The following SLC15A1 variants were observed in gnomAD, a reference collection of about 807,000 sequenced individuals.
SLC15A1 encodes Caco-2 oligopeptide transporter.
Under a neutral mutation model 92.9 loss-of-function variants are expected in SLC15A1, and 83 were observed. The ratio of observed to expected loss-of-function variants is 0.89; its 90% CI spans 0.75 to 1.07. The LOEUF is 1.07. Ranked by LOEUF, SLC15A1 falls within the 50% of genes least tolerant of loss-of-function variation. SLC15A1 has a pLI of 0.00. For missense variants in SLC15A1, 857 were observed against 880.1 expected (o/e 0.97, Z 0.33); for synonymous variants, 322 against 318.2 (o/e 1.01, Z -0.13).
At chr13:98,712,063 G>T in intron 10 of SLC15A1, 120 bp from the exon 11 acceptor site, 1 of 716,856 alleles carries the variant, frequency 1.4e-6, no homozygotes, top group South Asian at 1.7e-5. Context: ...GGCAAGCTGG[G>T]AGGTGATTAA....
Position 98,684,668 on chromosome 13 carries a change from G to T in SLC15A1, c.*56C>A. 1 of 1,461,496 alleles carries T rather than the reference G, an allele frequency of 6.8e-7. No individual in the cohort carries two copies. Among genetic ancestry groups the T allele is most frequent in the Non-Finnish European group, 9.5e-7 (1 of 1,050,328 alleles). 90.5% of individuals were successfully genotyped at this position (1,461,496 alleles called of 1,614,324 possible). A position where few individuals can be genotyped will look rare whatever the true frequency, so the allele number is the denominator to read the frequency against. ...TCCAATGGAGTGTCCTGCTACCTGG[G>T]GGCAGAGGTCAGGGCATCTGCGGGC... On this transcript the variant is annotated 3_prime_UTR_variant, in exon 23 of 23. Transcript: ENST00000376503.
intron 9 of SLC15A1, among the ~76,000 whole-genome samples, chr13:98,714,831 A>G (rs1412886378): frequency 1.3e-5 from 2 of 152,098 alleles, no homozygotes; most frequent in Non-Finnish European, 2.9e-5. Flanking sequence ...CAACATATAC[A>G]GTATGTTCAC....
chr13:98,752,459 C>A (rs2088554761), intron 1 of SLC15A1, 136 bp downstream of exon 1: 1 of 830,944 alleles, frequency 1.2e-6, no homozygotes. Flanking sequence ...CGCAACCTCC[C>A]GGCCCCCGTG....
intron 1 of SLC15A1, among the ~76,000 whole-genome samples, chr13:98,751,940 C>A (rs2088549458): frequency 6.6e-6 from 1 of 152,244 alleles, no homozygotes; most frequent in Non-Finnish European, 1.5e-5. Context: ...TGCTTCCGTT[C>A]ATTCTCTCTG....
intron 3 of SLC15A1, 35 bp downstream of exon 3, chr13:98,726,333 T>C: frequency 6.2e-7 from 1 of 1,614,072 alleles, no homozygotes; most frequent in Non-Finnish European, 8.5e-7. Context: ...ACTCCCGCTC[T>C]TCCCTGAAGG....
chr13:98,725,567 C>G (rs113719611), intron 4 of SLC15A1, among the ~76,000 whole-genome samples: 1 of 152,152 alleles, frequency 6.6e-6, no homozygotes, highest in African/African-American at 2.4e-5. Flanking sequence ...GCTACTGTGT[C>G]AAGATGTGAC....
At chr13:98,706,087 A>G (rs371886755) in intron 16 of SLC15A1, 47 bp downstream of exon 16, 24 of 1,581,504 alleles carry the variant, frequency 1.5e-5, no homozygotes, top group Non-Finnish European at 1.9e-5. Flanking sequence ...TCCTATTATA[A>G]CAGGGTCAGA....
At position 98,687,760 on chromosome 13, in the gene SLC15A1, T is replaced by C. The variant is rs8187839; in HGVS notation, c.1684-36A>G. 3.3e-3 allele frequency: 5,309 copies of C among 1,603,566 alleles called. 237 individuals are homozygous for C. In the Admixed American group the frequency reaches 0.073, roughly 22 times the overall value. The stretch of plus-strand genomic sequence containing the variant: ...AAGGCAAAAGCAGAAGAAGTTGAGA[T>C]AGCTTCTAAAATAAAAACTGTTCGA... On this transcript the variant is annotated intron_variant, in intron 20 of 22. Transcript: ENST00000376503.
intron 1 of SLC15A1, 58 bp downstream of exon 1, chr13:98,752,537 C>A: frequency 2.4e-6 from 3 of 1,268,342 alleles, no homozygotes; most frequent in African/African-American, 3.1e-5. Flanking sequence ...GGTGCCGGCC[C>A]CCGCCCCGCG....
At chr13:98,699,882 T>G (rs2088053775) in intron 18 of SLC15A1, among the ~76,000 whole-genome samples, 1 of 152,242 alleles carries the variant, frequency 6.6e-6, no homozygotes, top group Non-Finnish European at 1.5e-5. Context: ...CTATTGTTCA[T>G]GTGCTTATTT....
At chr13:98,709,067 A>G (rs2088139053) in intron 14 of SLC15A1, among the ~76,000 whole-genome samples, 1 of 149,996 alleles carries the variant, frequency 6.7e-6, no homozygotes. Context: ...TCCTAGCTTC[A>G]AGCAATTCTC....
chr13:98,708,637 C>T (rs375238343), intron 15 of SLC15A1, 49 bp downstream of exon 15: 18 of 1,497,008 alleles, frequency 1.2e-5, no homozygotes, highest in Middle Eastern at 1.7e-4. Context: ...CTGAACGCTC[C>T]ACCTAAATCC....
chr13:98,707,278 C>A (rs372504813), intron 15 of SLC15A1, among the ~76,000 whole-genome samples: 89 of 152,236 alleles, frequency 5.8e-4, no homozygotes, highest in South Asian at 2.1e-3. Flanking sequence ...AATGGATGAA[C>A]AATGTGGTGT....
intron 9 of SLC15A1, among the ~76,000 whole-genome samples, chr13:98,712,844 C>T (rs1293958573): frequency 2.0e-5 from 3 of 152,164 alleles, no homozygotes; most frequent in African/African-American, 7.2e-5. Flanking sequence ...AATAGAAATA[C>T]AACACGTGTT....
At chr13:98,684,938 G>A (rs1401146556) in intron 22 of SLC15A1, 23 bp from the exon 23 acceptor site, 3 of 1,590,970 alleles carry the variant, frequency 1.9e-6, no homozygotes, top group Non-Finnish European at 2.6e-6. Context: ...CAGAGTTGGA[G>A]CAGGAAAAAG....
At chr13:98,715,181 T>A (rs2088203334) in intron 9 of SLC15A1, among the ~76,000 whole-genome samples, 1 of 152,168 alleles carries the variant, frequency 6.6e-6, no homozygotes, top group African/African-American at 2.4e-5. Context: ...TTTCTTACTC[T>A]AGTTTTGTTT....
intron 1 of SLC15A1, among the ~76,000 whole-genome samples, chr13:98,735,561 G>A (rs1339746782): frequency 6.6e-6 from 1 of 152,222 alleles, no homozygotes; most frequent in Non-Finnish European, 1.5e-5. Flanking sequence ...GTCCCTGTTT[G>A]CAGATGACAT....
At position 98,688,228 on chromosome 13, in the gene SLC15A1, C is replaced by A. The variant is rs371382995; in HGVS notation, c.1683+20G>T. 1.6e-4 allele frequency: 238 copies of A among 1,507,722 alleles called. No individual in the cohort carries two copies. Among genetic ancestry groups the A allele is most frequent in the Non-Finnish European group, 2.1e-4 (228 of 1,086,916 alleles). The allele number at this position is 1,507,722 out of a possible 1,614,324, so 93.4% of individuals were successfully genotyped here. ...TCGAGTATGAGCAGATCTTCTGATA[C>A]AATGAAACGAGTTACTAACCTTCCT... is the stretch of plus-strand genomic sequence containing the variant. On this transcript the variant is annotated intron_variant, in intron 20 of 22. Transcript: ENST00000376503.
chr13:98,743,295 A>G lies in SLC15A1; in HGVS notation c.4+9300T>C, dbSNP rs376052835. ...CTGATTTAGGTTCAGATATCCTCCTAGCTTTTAAAAAGGTTTCCACACACA... is the reference window on the plus strand; with the variant it reads ...CTGATTTAGGTTCAGATATCCTCCTGGCTTTTAAAAAGGTTTCCACACACA... On this transcript the variant is annotated intron_variant, in intron 1 of 22. Transcript: ENST00000376503. Among the ~76,000 whole-genome samples, 28 of 152,322 alleles carry G rather than the reference A, an allele frequency of 1.8e-4. No homozygotes were observed. In the South Asian group the frequency reaches 5.0e-3, roughly 27 times the overall value.
Sources: allele counts gnomAD v4.1 joint callset (sites outside exome capture counted in the v4.1 genomes callset), GRCh38; gene constraint gnomAD v4.1.1; transcripts MANE v1.5; gene names NCBI Gene and HGNC (gene_info 2026-07-23, HGNC 2026-07-21).